LUC7L3: variants seen among roughly 807,000 people sequenced by gnomAD.
LUC7L3 encodes the protein LUC7 like 3 pre-mRNA splicing factor.
Under a neutral mutation model 66.8 loss-of-function variants are expected in LUC7L3, and 6 were observed. That is an observed-to-expected ratio of 0.09 (90% confidence interval 0.05 to 0.18). The LOEUF is 0.18. Among genes scored for constraint, LUC7L3 ranks in the 10% least tolerant of loss-of-function variants. LUC7L3 has a pLI of 1.00. For missense variants in LUC7L3, 341 were observed against 531.1 expected, an observed-to-expected ratio of 0.64 and a Z score of 3.52; for synonymous variants, 160 against 174.7, an observed-to-expected ratio of 0.92 and a Z score of 0.66.
At chr17:50,725,533 G>A (rs948903003) in intron 1 of LUC7L3, among the ~76,000 whole-genome samples, 6 of 152,116 alleles carry the variant, frequency 3.9e-5, no homozygotes, top group South Asian at 2.1e-4. Flanking sequence ...TTCCAATGGG[G>A]ATTATTCCAA....
rs77660686 is a variant in LUC7L3, at chr17:50,727,705, G to C, written c.99+7874G>C. Among the ~76,000 whole-genome samples the C allele has an allele frequency of 0.013, 1,947 of 152,306 alleles. 112 individuals are homozygous for C. The East Asian group carries it at 0.19, about 15-fold the overall frequency. ...AAGACACCTTACCAGCCTGAAGGAA[G>C]AGCTGGAGAAAAATCGGTGAATTTG... On this transcript the variant is annotated intron_variant, in intron 1 of 9. Transcript: ENST00000505658.
At chr17:50,743,377 T>C (rs974303064) in intron 5 of LUC7L3, among the ~76,000 whole-genome samples, 4 of 151,936 alleles carry the variant, frequency 2.6e-5, no homozygotes, top group African/African-American at 4.8e-5. Flanking sequence ...TTTTTTTTTT[T>C]ATATTTTTAG....
intron 1 of LUC7L3, chr17:50,723,687 CTCTG>C (rs1968955074): frequency 5.9e-6 from 1 of 169,800 alleles, no homozygotes; most frequent in Non-Finnish European, 1.2e-5. Context: ...CAGAGTCTAG[CTCTG>C]TCACCCAGGC....
At chr17:50,736,822 A>G (rs1390976586) in intron 1 of LUC7L3, 138 bp from the exon 2 acceptor site, 2 of 623,906 alleles carry the variant, frequency 3.2e-6, no homozygotes, top group East Asian at 2.8e-5. Flanking sequence ...TTTACCTAAT[A>G]TGATTCAACA....
At chr17:50,741,764 A>G (rs756281983) in intron 5 of LUC7L3, 33 bp downstream of exon 5, 1 of 1,530,326 alleles carries the variant, frequency 6.5e-7, no homozygotes, top group Admixed American at 1.7e-5. Context: ...TCAGGAAGTA[A>G]TGTGAAACAG....
In LUC7L3 at chr17:50,737,098, A is replaced by T. The variant is rs1475211923; in HGVS notation, c.166+72A>T. 3 of 1,013,296 alleles carry T rather than the reference A, an allele frequency of 3.0e-6. No homozygotes were observed. The East Asian group carries it at 7.4e-5, about 25-fold the overall frequency. The allele number at this position is 1,013,296 out of a possible 1,614,324, so 62.8% of individuals were successfully genotyped here. A position where few individuals can be genotyped will look rare whatever the true frequency, so the allele number is the denominator to read the frequency against. Reference sequence around the variant, plus strand: ...AATGTTGAATAGGAGTGGTGAAAGGAAAAAAACTGATTATAATTCTGTGAA... The same window carrying T: ...AATGTTGAATAGGAGTGGTGAAAGGTAAAAAACTGATTATAATTCTGTGAA... On this transcript the variant is annotated intron_variant, in intron 2 of 9. Coordinates refer to ENST00000505658, the MANE Select transcript of LUC7L3 (RefSeq NM_016424.5).
chr17:50,733,191 A>T (rs1418338667), intron 1 of LUC7L3, among the ~76,000 whole-genome samples: 1 of 152,136 alleles, frequency 6.6e-6, no homozygotes, highest in African/African-American at 2.4e-5. Flanking sequence ...TAAAAATGGG[A>T]AATAGAAATG....
chr17:50,756,135 C>T lies in LUC7L3; in HGVS notation c.*5474C>T, dbSNP rs937485981. 2 of 151,972 alleles carry T rather than the reference C, an allele frequency of 1.3e-5. No homozygotes were observed. Among genetic ancestry groups the T allele is most frequent in the Admixed American group, 6.6e-5 (1 of 15,260 alleles). The allele number at this position is 151,972 out of a possible 1,614,324, so 9.4% of individuals were successfully genotyped here. A position where few individuals can be genotyped will look rare whatever the true frequency, so the allele number is the denominator to read the frequency against. On this transcript the variant is annotated 3_prime_UTR_variant, in exon 10 of 10. Coordinates refer to ENST00000505658, the MANE Select transcript of LUC7L3 (RefSeq NM_016424.5). ...AGGGTCTGTTTCTGAAGCCTGTGGG[C>T]ATTTCCTTTTTTAATCTGTATGTTT...
chr17:50,747,535 G>A (rs1313961405), intron 9 of LUC7L3, among the ~76,000 whole-genome samples: 2 of 151,872 alleles, frequency 1.3e-5, no homozygotes, highest in African/African-American at 4.8e-5. Flanking sequence ...AGCTCTCCTT[G>A]TTTCATTTCA....
chr17:50,746,803 C>G (rs537001634), intron 9 of LUC7L3, 101 bp downstream of exon 9: 2 of 925,004 alleles, frequency 2.2e-6, no homozygotes, highest in East Asian at 2.8e-5. Context: ...TTCATACATA[C>G]TCCTTTTCAC....
At chr17:50,750,114 C>T (rs1239058297) in intron 9 of LUC7L3, among the ~76,000 whole-genome samples, 1 of 152,028 alleles carries the variant, frequency 6.6e-6, no homozygotes, top group Non-Finnish European at 1.5e-5. Flanking sequence ...CTTTTGGGGT[C>T]TCCATTTTTA....
chr17:50,743,547 A>C (rs1970483501), intron 5 of LUC7L3, 159 bp from the exon 6 acceptor site: 1 of 572,432 alleles, frequency 1.7e-6, no homozygotes, highest in African/African-American at 1.9e-5. Flanking sequence ...ACTTTATTGA[A>C]GTATAAAAAA....
At position 50,750,615 on chromosome 17, in the gene LUC7L3, G is replaced by A; in HGVS notation, c.1253G>A (p.Gly418Glu). 1 of 1,613,988 alleles carries A rather than the reference G, an allele frequency of 6.2e-7. No individual in the cohort carries two copies. The highest frequency in any genetic ancestry group is 8.5e-7 in the Non-Finnish European group (1 of 1,179,978). ...KESDTKNEVNGTSEDIKSEGD... is the reference protein window; with the variant it reads ...KESDTKNEVNETSEDIKSEGD... ...AGTGATACTAAGAATGAGGTCAATG[G>A]GACCAGTGAAGACATTAAATCTGAA... The change falls in exon 10 of 10, where the codon GGG (glycine) becomes GAG (glutamate). Residue 418 changes from glycine (G) to glutamate (E), a missense_variant. By Grantham distance (98) the Gly-to-Glu change is moderately conservative (BLOSUM62 -2). This residue lies in a region of LUC7L3 where 210 missense variants were observed against 238.1 expected (regional missense o/e 0.88). Transcript: ENST00000505658.
rs1971041624 is a variant in LUC7L3 at position 50,752,995 on chromosome 17, A to G, written c.*2334A>G. The G allele has an allele frequency of 6.6e-6, 1 of 152,230 alleles. No individual in the cohort carries two copies. The highest frequency in any genetic ancestry group is 6.5e-5 in the Admixed American group (1 of 15,280). 9.4% of individuals were successfully genotyped at this position (152,230 alleles called of 1,614,324 possible). On this transcript the variant is annotated 3_prime_UTR_variant, in exon 10 of 10. Transcript: ENST00000505658. ...TAGCTGGCTAGCTATGGGATGATGT[A>G]GAAAAGCATTCAAGAGCTAGTTTTT...
intron 1 of LUC7L3, among the ~76,000 whole-genome samples, chr17:50,731,078 A>G (rs1467254664): frequency 1.3e-5 from 2 of 152,256 alleles, no homozygotes; most frequent in Admixed American, 6.5e-5. Context: ...AAGCATTTAT[A>G]TCTTTTGGGG....
Position 50,719,838 on chromosome 17 carries a change from CCCGCGGGCCTTGGCCTGAGCCCGGGCT to C in LUC7L3, c.99+11_99+37del. On this transcript the variant is annotated splice_region_variant and intron_variant, in intron 1 of 9. Transcript: ENST00000505658. The stretch of plus-strand genomic sequence containing the variant: ...GCGGTGGGACCACGAGAGCGTAAGT[CCCGCGGGCCTTGGCCTGAGCCCGGGCT>C]CCGTGGGGGAGGGGAGCGGGCGCGG... 1 of 1,457,102 alleles carries C rather than the reference CCCGCGGGCCTTGGCCTGAGCCCGGGCT, an allele frequency of 6.9e-7. No homozygotes were observed. The highest frequency in any genetic ancestry group is 9.0e-7 in the Non-Finnish European group (1 of 1,110,156). 90.3% of individuals were successfully genotyped at this position (1,457,102 alleles called of 1,614,324 possible).
At chr17:50,741,828 T>C in intron 5 of LUC7L3, 97 bp downstream of exon 5, 1 of 923,392 alleles carries the variant, frequency 1.1e-6, no homozygotes, top group Non-Finnish European at 1.7e-6. Context: ...CTCATGTGTA[T>C]AATCCCAGCA....
At chr17:50,747,231 TC>T (rs1970727980) in intron 9 of LUC7L3, among the ~76,000 whole-genome samples, 3 of 111,866 alleles carry the variant, frequency 2.7e-5, no homozygotes, top group African/African-American at 9.6e-5. Flanking sequence ...TTTTTCTTTT[TC>T]TTTTTTTTTT....
In LUC7L3 at chr17:50,752,047, G is replaced by C. The variant is rs1970996170; in HGVS notation, c.*1386G>C. 1 of 1,139,476 alleles carries C rather than the reference G, an allele frequency of 8.8e-7. No individual in the cohort carries two copies. The highest frequency in any genetic ancestry group is 1.7e-5 in the African/African-American group (1 of 60,146). The allele number at this position is 1,139,476 out of a possible 1,614,324, so 70.6% of individuals were successfully genotyped here. On this transcript the variant is annotated 3_prime_UTR_variant, in exon 10 of 10. Transcript: ENST00000505658. ...AGCATACACAGGCACATGGCTTTAA[G>C]AACCACACTGATGCCTTGATAATTA...
Sources: gnomAD v4.1 joint callset for allele counts (sites outside exome capture counted in the v4.1 genomes callset) on GRCh38, gnomAD v4.1.1 for gene constraint, gnomAD v4.1.1 regional missense constraint, MANE v1.5 for transcripts, NCBI Gene and HGNC (gene_info 2026-07-23, HGNC 2026-07-21) for gene names.